CUL2: variants seen among roughly 807,000 people sequenced by gnomAD.
CUL2 encodes the protein cullin 2.
Under a neutral mutation model 110.2 loss-of-function variants are expected in CUL2, and 22 were observed. That is an observed-to-expected ratio of 0.20 (90% CI 0.14 to 0.28). The LOEUF is 0.28. Among genes scored for constraint, CUL2 ranks in the 10% least tolerant of loss-of-function variants. The probability of loss-of-function intolerance (pLI) is 1.00; values close to 1 mark genes in which losing one functional copy is unlikely to be tolerated. For synonymous variants in CUL2, 279 were observed against 293.2 expected (o/e 0.95, Z 0.49); for missense variants, 631 against 905.5 (o/e 0.70, Z 3.89).
At chr10:35,067,743 CAA>C (rs758160456) in intron 2 of CUL2, among the ~76,000 whole-genome samples, 12 of 115,958 alleles carry the variant, frequency 1.0e-4, no homozygotes, top group Non-Finnish European at 7.5e-5. Flanking sequence ...GACCCTGCCA[CAA>C]AAAAAAAAAA....
At chr10:35,034,881 A>G (rs1240943956) in intron 10 of CUL2, among the ~76,000 whole-genome samples, 1 of 152,226 alleles carries the variant, frequency 6.6e-6, no homozygotes, top group Non-Finnish European at 1.5e-5. Context: ...CCAATTACAC[A>G]AAAACACAGT....
intron 1 of CUL2, among the ~76,000 whole-genome samples, chr10:35,114,761 G>GGAGA (rs1470138369): frequency 6.6e-6 from 1 of 152,108 alleles, no homozygotes. Context: ...AGCATGGTGA[G>GGAGA]GAGAGAGAAA....
intron 3 of CUL2, among the ~76,000 whole-genome samples, chr10:35,062,566 A>C (rs1386550932): frequency 2.0e-5 from 3 of 151,970 alleles, no homozygotes. Context: ...TATTTTTAAA[A>C]TGCTGATTAA....
intron 1 of CUL2, among the ~76,000 whole-genome samples, chr10:35,114,763 AGAGAGAAAATAT>A (rs533956088): frequency 9.5e-4 from 144 of 152,324 alleles, no homozygotes; most frequent in African/African-American, 3.3e-3. Context: ...CATGGTGAGG[AGAGAGAAAATAT>A]TTTTAAAGTC....
chr10:35,102,298 G>C (rs1253343049), intron 1 of CUL2, among the ~76,000 whole-genome samples: 1 of 151,986 alleles, frequency 6.6e-6, no homozygotes, highest in African/African-American at 2.4e-5. Flanking sequence ...CAGGCTGGGT[G>C]CTGTGACTCA....
chr10:35,049,622 T>A (rs1360349119), intron 6 of CUL2, 61 bp downstream of exon 6: 1 of 1,431,834 alleles, frequency 7.0e-7, no homozygotes, highest in Non-Finnish European at 9.8e-7. Context: ...TGTACACTAT[T>A]TTAAAACCAT....
intron 1 of CUL2, among the ~76,000 whole-genome samples, chr10:35,078,233 T>C (rs7084196): frequency 0.34 from 51,131 of 151,724 alleles, 8,636 homozygotes; most frequent in South Asian, 0.35. Flanking sequence ...TGTCCACCCC[T>C]AAAAAACTTA....
chr10:35,012,537 G>A (rs1404208167), intron 19 of CUL2, among the ~76,000 whole-genome samples: 1 of 152,064 alleles, frequency 6.6e-6, no homozygotes, highest in Non-Finnish European at 1.5e-5. Context: ...CCAGGAGAGG[G>A]GGCCTATCTC....
At chr10:35,038,671 A>G (rs117590640) in intron 9 of CUL2, among the ~76,000 whole-genome samples, 5,412 of 151,684 alleles carry the variant, frequency 0.036, 141 homozygotes, top group Non-Finnish European at 0.057. Context: ...AAATGCATTA[A>G]GGAAATTAGC....
chr10:35,073,870 T>G (rs1198421494), intron 1 of CUL2, among the ~76,000 whole-genome samples: 2 of 152,156 alleles, frequency 1.3e-5, no homozygotes, highest in Admixed American at 6.5e-5. Context: ...CCTCCCAAAG[T>G]GCTAGGGTTA....
intron 5 of CUL2, among the ~76,000 whole-genome samples, chr10:35,050,774 A>G (rs1056930677): frequency 6.6e-6 from 1 of 152,248 alleles, no homozygotes; most frequent in African/African-American, 2.4e-5. Flanking sequence ...CTGCTACTGG[A>G]AACAATGCTG....
At chr10:35,061,701 C>A (rs777976505) in intron 3 of CUL2, among the ~76,000 whole-genome samples, 10 of 150,370 alleles carry the variant, frequency 6.7e-5, no homozygotes, top group Non-Finnish European at 1.2e-4. Flanking sequence ...CATATACTAT[C>A]AAAAGTAGAG....
intron 4 of CUL2, among the ~76,000 whole-genome samples, chr10:35,060,391 C>G (rs959168281): frequency 1.3e-5 from 2 of 152,182 alleles, no homozygotes; most frequent in Non-Finnish European, 2.9e-5. Flanking sequence ...CATTAGGAAA[C>G]TACAAGTAAT....
chr10:35,098,350 T>C (rs2087328843), intron 2 of CUL2, among the ~76,000 whole-genome samples: 2 of 152,124 alleles, frequency 1.3e-5, no homozygotes, highest in Non-Finnish European at 2.9e-5. Context: ...ACAGAGTAAA[T>C]CTGGGTAATG....
chr10:35,098,776 A>C (rs11599196), intron 2 of CUL2, among the ~76,000 whole-genome samples: 22,213 of 151,524 alleles, frequency 0.15, 1,849 homozygotes, highest in South Asian at 0.21. Flanking sequence ...ACTAAAAAAA[A>C]CCAAAAAATT....
At chr10:35,096,451 A>G (rs1200262422) in intron 2 of CUL2, among the ~76,000 whole-genome samples, 1 of 151,982 alleles carries the variant, frequency 6.6e-6, no homozygotes, top group Non-Finnish European at 1.5e-5. Flanking sequence ...TGAAAAATAA[A>G]TACAACAAAA....
At chr10:35,046,383 A>G (rs1483973423) in intron 6 of CUL2, among the ~76,000 whole-genome samples, 1 of 152,176 alleles carries the variant, frequency 6.6e-6, no homozygotes, top group East Asian at 1.9e-4. Context: ...AAGTATACAC[A>G]CCCTATGACC....
chr10:35,070,217 A>G (rs1357523740), intron 2 of CUL2, among the ~76,000 whole-genome samples: 1 of 152,206 alleles, frequency 6.6e-6, no homozygotes, highest in Non-Finnish European at 1.5e-5. Context: ...CAAACTTTGA[A>G]GCCTTCCAAA....
At chr10:35,062,104 T>A (rs2086398035) in intron 3 of CUL2, among the ~76,000 whole-genome samples, 1 of 152,184 alleles carries the variant, frequency 6.6e-6, no homozygotes, top group Non-Finnish European at 1.5e-5. Context: ...CACTAAATTA[T>A]CTCATCCAGT....
Sources: gnomAD v4.1 joint callset for allele counts (sites outside exome capture counted in the v4.1 genomes callset) on GRCh38, gnomAD v4.1.1 for gene constraint, MANE v1.5 for transcripts, NCBI Gene and HGNC (gene_info 2026-07-23, HGNC 2026-07-21) for gene names.